SYCE2: variants seen among roughly 807,000 people sequenced by gnomAD.
SYCE2 encodes the protein central element synaptonemal complex 1.
A neutral mutation model predicts 27.9 loss-of-function variants in SYCE2; 3 were observed. The ratio of observed to expected loss-of-function variants is 0.11; its 90% CI spans 0.05 to 0.28. The LOEUF is 0.28. Among genes scored for constraint, SYCE2 ranks in the 10% least tolerant of loss-of-function variants. SYCE2 has a pLI of 1.00. For synonymous variants in SYCE2, 85 were observed against 100.7 expected (o/e 0.84, Z 0.93); for missense variants, 207 against 263.5 (o/e 0.79, Z 1.48).
chr19:12,904,584 T>C lies in SYCE2; in HGVS notation c.214A>G (p.Lys72Glu). ...TTTTCGATCAGCTCCTGGGCTCTCT[T>C]CTGCAGGATGTCAATGCTTGAGTCC... ...SLDSSIDILQ[K>E]RAQELIENIN... Residue 72 changes from lysine (K) to glutamate (E), a missense_variant, in exon 3 of 6, where the codon AAG (lysine) becomes GAG (glutamate). Physicochemically the swap from Lys to Glu is moderately conservative, Grantham distance 56. Transcript: ENST00000293695. The C allele has an allele frequency of 6.2e-7, 1 of 1,614,088 alleles. No homozygotes were observed. The highest frequency in any genetic ancestry group is 1.6e-4 in the Middle Eastern group (1 of 6,062).
chr19:12,912,022 C>T (rs946465686), intron 2 of SYCE2, among the ~76,000 whole-genome samples: 1 of 151,906 alleles, frequency 6.6e-6, no homozygotes, highest in Non-Finnish European at 1.5e-5. Context: ...ACTGCAACCT[C>T]TGCCTCCCGG....
intron 2 of SYCE2, among the ~76,000 whole-genome samples, chr19:12,910,719 C>T (rs1020861133): frequency 6.6e-6 from 1 of 151,090 alleles, no homozygotes; most frequent in African/African-American, 2.4e-5. Context: ...GCTCTGTCCC[C>T]CAGGCTGGAG....
chr19:12,912,857 G>A (rs1373509892), intron 2 of SYCE2, among the ~76,000 whole-genome samples: 1 of 151,618 alleles, frequency 6.6e-6, no homozygotes, highest in Non-Finnish European at 1.5e-5. Flanking sequence ...TGTCTGCTGA[G>A]AGCTTCTTTA....
At chr19:12,900,686 A>G in intron 3 of SYCE2, 38 bp from the exon 4 acceptor site, 4 of 1,570,308 alleles carry the variant, frequency 2.5e-6, no homozygotes, top group Non-Finnish European at 2.6e-6. Flanking sequence ...AAAATCAAAC[A>G]AGAGGTATCA....
At chr19:12,904,408 T>G (rs1312984572) in intron 3 of SYCE2, 84 bp downstream of exon 3, 2 of 1,539,260 alleles carry the variant, frequency 1.3e-6, no homozygotes, top group Non-Finnish European at 1.8e-6. Context: ...GCACCGTGCC[T>G]GGTGTACAAC....
At chr19:12,913,820 C>T (rs894265322) in intron 2 of SYCE2, among the ~76,000 whole-genome samples, 1 of 152,186 alleles carries the variant, frequency 6.6e-6, no homozygotes, top group Non-Finnish European at 1.5e-5. Context: ...AAACAAACGA[C>T]TTCAACCATT....
Position 12,917,659 on chromosome 19 carries a change from C to CTTTTTTTTTTTTTTTTTTT in SYCE2, c.131+562_131+563insAAAAAAAAAAAAAAAAAAA, listed in dbSNP as rs71168635. On this transcript the variant is annotated intron_variant, in intron 2 of 5. Transcript: ENST00000293695. ...TACAGGCATAAGCCACCATTCCTGG[C>CTTTTTTTTTTTTTTTTTTT]TTTTTTTTTTTTTTTTTGAGACAGC... Among the ~76,000 whole-genome samples the CTTTTTTTTTTTTTTTTTTT allele has an allele frequency of 3.8e-5, 3 of 79,396 alleles. 1 individual carries two copies. Among genetic ancestry groups the CTTTTTTTTTTTTTTTTTTT allele is most frequent in the Non-Finnish European group, 4.4e-5 (2 of 45,752 alleles). 52.1% of individuals were successfully genotyped at this position (79,396 alleles called of 152,430 possible).
At chr19:12,908,652 C>T (rs1970986956) in intron 2 of SYCE2, among the ~76,000 whole-genome samples, 1 of 152,040 alleles carries the variant, frequency 6.6e-6, no homozygotes, top group African/African-American at 2.4e-5. Flanking sequence ...TACCCCCATT[C>T]ACTTTTCAGT....
chr19:12,904,403 G>A (rs565224170), intron 3 of SYCE2, 89 bp downstream of exon 3: 51 of 1,503,838 alleles, frequency 3.4e-5, no homozygotes, highest in South Asian at 3.0e-4. Flanking sequence ...GCCTAGCACC[G>A]TGCCTGGTGT....
Position 12,900,132 on chromosome 19 carries a change from A to C in SYCE2, c.496-12T>G. On this transcript the variant is annotated splice_polypyrimidine_tract_variant and intron_variant, in intron 4 of 5. Transcript: ENST00000293695. Reference sequence around the variant, plus strand: ...AGTCTTAGGCTCTGCTGTAAAAAAGAAACCCAGGTTAGCAGTGCCGGTCTG... The same window carrying C: ...AGTCTTAGGCTCTGCTGTAAAAAAGCAACCCAGGTTAGCAGTGCCGGTCTG... 1 of 1,599,000 alleles carries C rather than the reference A, an allele frequency of 6.3e-7. No individual in the cohort carries two copies. Among genetic ancestry groups the C allele is most frequent in the Non-Finnish European group, 8.5e-7 (1 of 1,174,924 alleles).
chr19:12,901,640 A>C (rs1358989136), intron 3 of SYCE2, among the ~76,000 whole-genome samples: 1 of 151,736 alleles, frequency 6.6e-6, no homozygotes, highest in Non-Finnish European at 1.5e-5. Context: ...CTTGCGGCGG[A>C]GTTTCGCTCT....
At chr19:12,915,755 C>A (rs1971127540) in intron 2 of SYCE2, among the ~76,000 whole-genome samples, 1 of 152,118 alleles carries the variant, frequency 6.6e-6, no homozygotes, top group Admixed American at 6.6e-5. Flanking sequence ...CCCTGTACCC[C>A]ACTCGCTCGC....
At chr19:12,916,312 G>A (rs927640358) in intron 2 of SYCE2, among the ~76,000 whole-genome samples, 3 of 151,886 alleles carry the variant, frequency 2.0e-5, no homozygotes, top group African/African-American at 4.8e-5. Flanking sequence ...CTCGTGATCC[G>A]CCTGCCTCGG....
chr19:12,917,119 C>T (rs906447567), intron 2 of SYCE2, among the ~76,000 whole-genome samples: 1 of 148,858 alleles, frequency 6.7e-6, no homozygotes, highest in Non-Finnish European at 1.5e-5. Flanking sequence ...GGCTGGAATG[C>T]AATGGCACAA....
chr19:12,908,502 T>G (rs1324291361), intron 2 of SYCE2, among the ~76,000 whole-genome samples: 1 of 151,954 alleles, frequency 6.6e-6, no homozygotes, highest in Non-Finnish European at 1.5e-5. Flanking sequence ...TTTTTTGTAT[T>G]TTTAGTAGAG....
intron 3 of SYCE2, among the ~76,000 whole-genome samples, chr19:12,902,366 A>C (rs1970854884): frequency 6.6e-6 from 1 of 152,180 alleles, no homozygotes; most frequent in Non-Finnish European, 1.5e-5. Context: ...TAAATAAATA[A>C]ATAAATAAAT....
chr19:12,901,630 C>G (rs1568432961), intron 3 of SYCE2, among the ~76,000 whole-genome samples: 1 of 151,984 alleles, frequency 6.6e-6, no homozygotes, highest in Non-Finnish European at 1.5e-5. Flanking sequence ...GTTTTGTTTT[C>G]TTGCGGCGGA....
chr19:12,918,462 A>G, intron 1 of SYCE2, 125 bp from the exon 2 acceptor site: 4 of 842,620 alleles, frequency 4.7e-6, no homozygotes, highest in Non-Finnish European at 5.7e-6. Context: ...ACCCGCAGGA[A>G]AGACGGGCAG....
chr19:12,912,844 A>G (rs1971071963), intron 2 of SYCE2, among the ~76,000 whole-genome samples: 1 of 151,278 alleles, frequency 6.6e-6, no homozygotes, highest in Non-Finnish European at 1.5e-5. Flanking sequence ...GGCCTGCATC[A>G]GATGTCTGCT....
Sources: gnomAD v4.1 joint callset for allele counts (sites outside exome capture counted in the v4.1 genomes callset) on GRCh38, gnomAD v4.1.1 for gene constraint, MANE v1.5 for transcripts, NCBI Gene and HGNC (gene_info 2026-07-23, HGNC 2026-07-21) for gene names.